ACAD9: variants seen among roughly 807,000 people sequenced by gnomAD.
ACAD9 encodes acyl-CoA dehydrogenase family member 9, also known as complex I assembly factor ACAD9, mitochondrial.
A neutral mutation model predicts 70.2 loss-of-function variants in ACAD9; 53 were observed. The observed-to-expected ratio is 0.75, with a 90% CI of 0.61 to 0.95. ACAD9 has a LOEUF of 0.95. Ranked by LOEUF, ACAD9 falls within the 40% of genes least tolerant of loss-of-function variation. ACAD9 has a pLI of 0.00. For synonymous variants in ACAD9, 313 were observed against 312.1 expected (o/e 1.00, Z -0.03); for missense variants, 777 against 802.8 (o/e 0.97, Z 0.39).
intron 16 of ACAD9, 123 bp downstream of exon 16, chr3:128,910,272 C>T (rs897616595): frequency 1.8e-5 from 28 of 1,532,416 alleles, no homozygotes; most frequent in African/African-American, 8.2e-5. Flanking sequence ...GTTCACCATG[C>T]GGTGGCCGTG....
At chr3:128,886,532 A>G (rs990959653) in intron 2 of ACAD9, among the ~76,000 whole-genome samples, 1 of 151,900 alleles carries the variant, frequency 6.6e-6, no homozygotes, top group Admixed American at 6.5e-5. Context: ...AACATGGAGA[A>G]ACCTCATCTC....
chr3:128,911,289 C>T (rs1018576480), intron 17 of ACAD9, among the ~76,000 whole-genome samples: 1 of 152,104 alleles, frequency 6.6e-6, no homozygotes, highest in African/African-American at 2.4e-5. Flanking sequence ...AACTCCTGAC[C>T]TCAGGTGATC....
In ACAD9 at chr3:128,902,647, AG is replaced by A. The variant is rs1289954656; in HGVS notation, c.958+21del. ...TTGATTGGTAGGTAAGTTAGGGACA[AG>A]GCCCTTTGTGCCCCACCCCCTGCTG... On this transcript the variant is annotated intron_variant, in intron 9 of 17. Transcript: ENST00000308982. This position sits in a 1 kb window ranked among gnomAD's most constrained non-coding sequence, Gnocchi z 4.0. 6.2e-7 allele frequency: 1 copy of A among 1,613,724 alleles called. No homozygotes were observed. Among genetic ancestry groups the A allele is most frequent in the Admixed American group, 1.7e-5 (1 of 59,990 alleles).
rs763046870 is a variant in ACAD9, at chr3:128,906,160, G to T, written c.1189G>T (p.Ala397Ser). 1.2e-6 allele frequency: 2 copies of T among 1,614,228 alleles called. No homozygotes were observed. Among genetic ancestry groups the T allele is most frequent in the Non-Finnish European group, 8.5e-7 (1 of 1,180,046 alleles). ...GGCCGCCTGGCAGTGTGTGAGTGAG[G>T]CGCTGCAGATCCTCGGGGGCTTGGG... ...SEAAWQCVSE[A>S]LQILGGLGYT... Residue 397 changes from alanine to serine, a missense_variant, in exon 12 of 18, where the codon GCG becomes TCG. By Grantham distance (99) the Ala-to-Ser change is moderately conservative. Transcript: ENST00000308982.
chr3:128,893,497 A>T, intron 2 of ACAD9, 58 bp from the exon 3 acceptor site: 1 of 1,322,650 alleles, frequency 7.6e-7, no homozygotes. Flanking sequence ...TGTCCTGTTT[A>T]CTTATATTTG....
chr3:128,911,470 G>T (rs912964092), intron 17 of ACAD9, among the ~76,000 whole-genome samples: 1 of 151,786 alleles, frequency 6.6e-6, no homozygotes, highest in Admixed American at 6.6e-5. Context: ...GTCTCACTTT[G>T]TCACCCAGGC....
Position 128,899,523 on chromosome 3 carries a change from G to GGTGTGTGTGTGT in ACAD9, c.808+91_808+102dup, listed in dbSNP as rs63473460. ...TGTAAGGGGGAGACTGGCCTTTGACGGTGTGTGTGTGTGTGTGTGTGTGTG... is the reference window on the plus strand; with the variant it reads ...TGTAAGGGGGAGACTGGCCTTTGACGGTGTGTGTGTGTGTGTGTGTGTGTGTGTGTGTGTGTG... On this transcript the variant is annotated intron_variant, in intron 7 of 17. Coordinates refer to ENST00000308982, the MANE Select transcript of ACAD9 (RefSeq NM_014049.5). 1,781 of 1,068,256 alleles carry GGTGTGTGTGTGT rather than the reference G, an allele frequency of 1.7e-3. 4 individuals carry two copies. Among genetic ancestry groups the GGTGTGTGTGTGT allele is most frequent in the South Asian group, 7.6e-3 (473 of 62,242 alleles). The allele number at this position is 1,068,256 out of a possible 1,614,324, so 66.2% of individuals were successfully genotyped here.
At chr3:128,885,689 A>G (rs1358576809) in intron 2 of ACAD9, among the ~76,000 whole-genome samples, 1 of 151,952 alleles carries the variant, frequency 6.6e-6, no homozygotes, top group East Asian at 2.0e-4. Context: ...CACCATGCCT[A>G]GCCCCTCTTA....
intron 1 of ACAD9, chr3:128,880,170 C>G: frequency 1.7e-6 from 1 of 578,920 alleles, no homozygotes; most frequent in South Asian, 1.9e-5. Context: ...GCGGGGCTTC[C>G]TCTCTGATTC....
chr3:128,911,765 C>T (rs957211961), intron 17 of ACAD9, among the ~76,000 whole-genome samples: 45 of 152,318 alleles, frequency 3.0e-4, no homozygotes, highest in Admixed American at 1.3e-4. Context: ...TGAAGCTGCC[C>T]GGGGAAGGCT....
rs777247352 is a variant in ACAD9, at chr3:128,897,642, G to T, written c.565G>T (p.Ala189Ser). The change falls in exon 6 of 18, where the codon GCA (alanine) becomes TCA (serine). Residue 189 changes from alanine (A) to serine (S), a missense_variant. By Grantham distance (99) the Ala-to-Ser change is moderately conservative. Transcript: ENST00000308982. ...CLTEPASGSD[A>S]ASIRSRATLS... ...TTTCTGCATCTGCAGTGGGAGCGAT[G>T]CAGCCTCAATCCGGAGCAGAGCCAC... 1.2e-6 allele frequency: 2 copies of T among 1,613,694 alleles called. No individual in the cohort carries two copies. Among genetic ancestry groups the T allele is most frequent in the Admixed American group, 3.3e-5 (2 of 59,968 alleles).
At chr3:128,893,695 T>C (rs1935486382) in intron 3 of ACAD9, 39 bp downstream of exon 3, 1 of 1,531,766 alleles carries the variant, frequency 6.5e-7, no homozygotes, top group Non-Finnish European at 9.0e-7. Flanking sequence ...GTTTAGCTCT[T>C]AAGAAAGCAC....
intron 12 of ACAD9, 79 bp from the exon 13 acceptor site, chr3:128,908,106 G>T: frequency 7.3e-7 from 1 of 1,367,888 alleles, no homozygotes. Flanking sequence ...GGCAGTGGCC[G>T]GCTCTACCCA....
chr3:128,892,322 G>A (rs1323327035), intron 2 of ACAD9, among the ~76,000 whole-genome samples: 1 of 152,152 alleles, frequency 6.6e-6, no homozygotes, highest in Non-Finnish European at 1.5e-5. Flanking sequence ...TGAAGGGTTT[G>A]GCCTGCACTT....
At chr3:128,893,322 C>T (rs1935476146) in intron 2 of ACAD9, among the ~76,000 whole-genome samples, 1 of 152,128 alleles carries the variant, frequency 6.6e-6, no homozygotes, top group Non-Finnish European at 1.5e-5. Flanking sequence ...GCACTCCAGC[C>T]TGGATATCAG....
At chr3:128,904,533 C>G in intron 11 of ACAD9, 28 bp downstream of exon 11, 1 of 1,610,076 alleles carries the variant, frequency 6.2e-7, no homozygotes, top group Non-Finnish European at 8.5e-7. Flanking sequence ...AGAGAGCTGG[C>G]GCTGGAGGGA....
intron 1 of ACAD9, 181 bp downstream of exon 1, chr3:128,880,022 G>A (rs1022538258): frequency 2.6e-6 from 4 of 1,543,774 alleles, no homozygotes; most frequent in Admixed American, 3.9e-5. Flanking sequence ...GAAAGGGTGA[G>A]ACATTTCCAA....
intron 2 of ACAD9, among the ~76,000 whole-genome samples, chr3:128,891,835 C>T (rs1299876949): frequency 1.3e-5 from 2 of 152,108 alleles, no homozygotes; most frequent in African/African-American, 2.4e-5. Context: ...TTGATTATCA[C>T]ATTTATTTAT....
rs1935821862 is a variant in ACAD9 at position 128,904,152 on chromosome 3, G to A, written c.1029+20G>A. The A allele has an allele frequency of 1.9e-6, 3 of 1,612,732 alleles. No homozygotes were observed. Among genetic ancestry groups the A allele is most frequent in the Non-Finnish European group, 2.5e-6 (3 of 1,178,668 alleles). On this transcript the variant is annotated intron_variant, in intron 10 of 17. Coordinates refer to ENST00000308982, the MANE Select transcript of ACAD9 (RefSeq NM_014049.5). ...ATTCAGGTACCAATGGTTGAGTACT[G>A]TATTTGTGCATTTCACTGTGTGACA...
Sources: allele counts gnomAD v4.1 joint callset (sites outside exome capture counted in the v4.1 genomes callset), GRCh38; gene constraint gnomAD v4.1.1; non-coding constraint Gnocchi (gnomAD v3.1); transcripts MANE v1.5; gene names NCBI Gene and HGNC (gene_info 2026-07-23, HGNC 2026-07-21).